Variants in TMEM143 observed in about 807,000 individuals in gnomAD.
TMEM143 encodes the protein transmembrane protein 143.
In TMEM143, 45 loss-of-function variants were observed where a neutral mutation model predicts 40.3. The observed-to-expected ratio is 1.12, with a 90% CI of 0.88 to 1.43. The LOEUF (loss-of-function observed/expected upper bound fraction) is 1.43, where lower values mean the gene tolerates loss of function less well. Among genes scored for constraint, TMEM143 ranks in the 40% most tolerant of loss-of-function variants. The probability of loss-of-function intolerance (pLI) is 0.00; values close to 1 mark genes in which losing one functional copy is unlikely to be tolerated. For missense variants in TMEM143, 620 were observed against 613.4 expected (o/e 1.01, Z -0.11); for synonymous variants, 299 against 282.7 (o/e 1.06, Z -0.58).
At chr19:48,347,975 C>T (rs568568990) in intron 3 of TMEM143, among the ~76,000 whole-genome samples, 2 of 147,962 alleles carry the variant, frequency 1.4e-5, no homozygotes, top group East Asian at 2.0e-4. Flanking sequence ...AAACCATGAT[C>T]GTGCCACTCC....
Position 48,332,956 on chromosome 19 carries a change from T to G in TMEM143, c.*263A>C. The G allele has an allele frequency of 6.3e-6, 2 of 318,336 alleles. No homozygotes were observed. The highest frequency in any genetic ancestry group is 1.1e-5 in the Non-Finnish European group (2 of 174,348). The allele number at this position is 318,336 out of a possible 1,614,324, so 19.7% of individuals were successfully genotyped here. On this transcript the variant is annotated 3_prime_UTR_variant, in exon 8 of 8. Coordinates refer to ENST00000293261, the MANE Select transcript of TMEM143 (RefSeq NM_018273.4). ...CAGCCAAACCACACTTGGATGTTTA[T>G]GGTGAGGGTGGGACTAAGAAATGGA...
intron 1 of TMEM143, 134 bp downstream of exon 1, chr19:48,363,764 T>C (rs2147395024): frequency 1.3e-6 from 2 of 1,495,630 alleles, no homozygotes; most frequent in Non-Finnish European, 1.9e-6. Flanking sequence ...CCAGAGACCC[T>C]GTAGTGGTAC....
chr19:48,357,356 T>C (rs993091763), intron 3 of TMEM143, among the ~76,000 whole-genome samples: 2 of 117,210 alleles, frequency 1.7e-5, no homozygotes, highest in African/African-American at 6.7e-5. Flanking sequence ...TTTCTTTTTT[T>C]TTTTTTTTTT....
At position 48,352,261 on chromosome 19, in the gene TMEM143, A is replaced by AAAAAAAAAAAAAAAAAAAAAAAAAAAC. The variant is rs930196732; in HGVS notation, c.370-6908_370-6907insGTTTTTTTTTTTTTTTTTTTTTTTTTT. 2.7e-4 allele frequency among the ~76,000 whole-genome samples: 39 copies of AAAAAAAAAAAAAAAAAAAAAAAAAAAC among 143,904 alleles called. 2 individuals are homozygous for AAAAAAAAAAAAAAAAAAAAAAAAAAAC. The highest frequency in any genetic ancestry group is 1.0e-3 in the African/African-American group (38 of 36,260). The allele number at this position is 143,904 out of a possible 152,430, so 94.4% of individuals were successfully genotyped here. Reference sequence around the variant, plus strand: ...GACTCTGTCTCAAAAAAAAAAAAAAAACACCATATCTGCATATAACCTCTA... The same window carrying AAAAAAAAAAAAAAAAAAAAAAAAAAAC: ...GACTCTGTCTCAAAAAAAAAAAAAAAAAAAAAAAAAAAAAAAAAAAAAAAAACACACCATATCTGCATATAACCTCTA... On this transcript the variant is annotated intron_variant, in intron 3 of 7. Coordinates refer to ENST00000293261, the MANE Select transcript of TMEM143 (RefSeq NM_018273.4).
intron 6 of TMEM143, among the ~76,000 whole-genome samples, chr19:48,339,673 A>G (rs1347010366): frequency 6.6e-6 from 1 of 152,046 alleles, no homozygotes; most frequent in African/African-American, 2.4e-5. Context: ...ACTGAAGCGC[A>G]GGAGGGGACC....
intron 2 of TMEM143, among the ~76,000 whole-genome samples, chr19:48,360,745 C>T (rs573303703): frequency 3.9e-5 from 6 of 152,094 alleles, no homozygotes; most frequent in Non-Finnish European, 7.4e-5. Context: ...ATTCCAGGAA[C>T]GGTTTGACAG....
At chr19:48,339,496 T>C (rs1389719698) in intron 6 of TMEM143, among the ~76,000 whole-genome samples, 1 of 152,124 alleles carries the variant, frequency 6.6e-6, no homozygotes, top group Admixed American at 6.5e-5. Context: ...TGAGTGCCTG[T>C]TCCAAGGTGA....
chr19:48,336,132 T>C (rs1444935915), intron 6 of TMEM143, among the ~76,000 whole-genome samples: 1 of 151,944 alleles, frequency 6.6e-6, no homozygotes, highest in Non-Finnish European at 1.5e-5. Context: ...CTGTAATCCC[T>C]GCACTTTGGG....
chr19:48,363,751 G>T, intron 1 of TMEM143, 147 bp downstream of exon 1: 1 of 1,449,440 alleles, frequency 6.9e-7, no homozygotes, highest in Non-Finnish European at 9.5e-7. Flanking sequence ...GCGTTTTTCA[G>T]GCCCAGAGAC....
intron 3 of TMEM143, among the ~76,000 whole-genome samples, chr19:48,354,360 G>A (rs552689155): frequency 6.6e-6 from 1 of 150,760 alleles, no homozygotes; most frequent in South Asian, 2.1e-4. Context: ...CGCCTCCTGG[G>A]TGCAAGTGAT....
intron 3 of TMEM143, among the ~76,000 whole-genome samples, chr19:48,355,265 A>G (rs1357769524): frequency 1.3e-5 from 2 of 152,130 alleles, no homozygotes; most frequent in Non-Finnish European, 2.9e-5. Flanking sequence ...TCCTGGGCTC[A>G]AGTGATCCGC....
At chr19:48,356,866 T>G (rs1969911523) in intron 3 of TMEM143, among the ~76,000 whole-genome samples, 1 of 149,884 alleles carries the variant, frequency 6.7e-6, no homozygotes, top group Non-Finnish European at 1.5e-5. Context: ...AGTGCTGGGA[T>G]TACAGGCGTG....
chr19:48,347,996 A>T (rs968004803), intron 3 of TMEM143, among the ~76,000 whole-genome samples: 1 of 144,148 alleles, frequency 6.9e-6, no homozygotes, highest in Non-Finnish European at 1.5e-5. Context: ...ACTCCACTCC[A>T]GCCTGGGTGA....
chr19:48,351,790 C>G (rs1379109959), intron 3 of TMEM143, among the ~76,000 whole-genome samples: 1 of 152,164 alleles, frequency 6.6e-6, no homozygotes, highest in Non-Finnish European at 1.5e-5. Context: ...TTCCTGACCA[C>G]CTTACCTGAA....
chr19:48,360,533 G>A (rs939395416), intron 2 of TMEM143: 7 of 245,852 alleles, frequency 2.8e-5, no homozygotes, highest in Admixed American at 1.8e-4. Context: ...AGTCGAGATC[G>A]TGCCACTGCC....
intron 6 of TMEM143, among the ~76,000 whole-genome samples, chr19:48,334,772 G>C (rs892342965): frequency 6.6e-6 from 1 of 151,740 alleles, no homozygotes; most frequent in Non-Finnish European, 1.5e-5. Flanking sequence ...TTGTAGAGAC[G>C]GGATTCTCCC....
intron 2 of TMEM143, among the ~76,000 whole-genome samples, chr19:48,362,535 T>G (rs771000865): frequency 6.6e-5 from 10 of 151,606 alleles, no homozygotes; most frequent in Non-Finnish European, 1.3e-4. Context: ...CAAAAATAAA[T>G]AAAGAAAAAT....
intron 6 of TMEM143, 136 bp downstream of exon 6, chr19:48,342,394 T>C (rs868354338): frequency 1.4e-6 from 1 of 739,198 alleles, no homozygotes; most frequent in Admixed American, 5.9e-5. Context: ...AGAGGAAGAA[T>C]GGGAAGGAAG....
At chr19:48,362,838 G>A (rs1970081092) in intron 2 of TMEM143, among the ~76,000 whole-genome samples, 1 of 152,188 alleles carries the variant, frequency 6.6e-6, no homozygotes, top group African/African-American at 2.4e-5. Context: ...TCTGTAAAAT[G>A]GGGATGATGG....
Sources: allele counts gnomAD v4.1 joint callset (sites outside exome capture counted in the v4.1 genomes callset), GRCh38; gene constraint gnomAD v4.1.1; transcripts MANE v1.5; gene names NCBI Gene and HGNC (gene_info 2026-07-23, HGNC 2026-07-21).